Variants in GPR158 observed in about 807,000 individuals in gnomAD.
The protein encoded by GPR158 is G protein-coupled receptor 158.
GPR158 carries 30 observed loss-of-function variants against 78.2 expected under a neutral mutation model. The observed-to-expected ratio is 0.38, with a 90% CI of 0.29 to 0.52. GPR158 has a LOEUF of 0.52. GPR158 is among the 20% of genes least tolerant of loss of function. GPR158 has a pLI of 0.83. For missense variants in GPR158, 1,463 were observed against 1,523.5 expected, an observed-to-expected ratio of 0.96 and a Z score of 0.66; for synonymous variants, 581 against 591.1, an observed-to-expected ratio of 0.98 and a Z score of 0.25.
At chr10:25,483,075 C>T (rs563945175) in intron 5 of GPR158, among the ~76,000 whole-genome samples, 27 of 152,010 alleles carry the variant, frequency 1.8e-4, no homozygotes, top group Admixed American at 3.3e-4. Context: ...TAAAACAACC[C>T]GTTAACTAGT....
chr10:25,253,683 C>G (rs894211638), intron 2 of GPR158, among the ~76,000 whole-genome samples: 1 of 152,094 alleles, frequency 6.6e-6, no homozygotes, highest in African/African-American at 2.4e-5. Flanking sequence ...CATGCTGAAA[C>G]CGTTATTTAT....
intron 2 of GPR158, among the ~76,000 whole-genome samples, chr10:25,363,968 C>T (rs368561325): frequency 2.2e-4 from 33 of 151,960 alleles, no homozygotes; most frequent in African/African-American, 7.2e-4. Context: ...TATAATTAAT[C>T]GCATCTACTC....
Position 25,598,521 on chromosome 10 carries a change from G to C in GPR158, c.2895G>C (p.Glu965Asp). 5.6e-6 allele frequency: 9 copies of C among 1,613,284 alleles called. No individual in the cohort carries two copies. Among genetic ancestry groups the C allele is most frequent in the Non-Finnish European group, 6.8e-6 (8 of 1,179,840 alleles). Reference sequence around the variant, plus strand: ...CCCCCCAAAACTCAAATCCTGCGGAGGAGCCAAGAAAGCCTCAGAAATCTG... The same window carrying C: ...CCCCCCAAAACTCAAATCCTGCGGACGAGCCAAGAAAGCCTCAGAAATCTG... The part of the protein sequence containing the change: ...DPAPQNSNPA[E>D]EPRKPQKSGI... Residue 965 changes from glutamate to aspartate, a missense_variant, in exon 11 of 11, where the codon GAG (glutamate) becomes GAC (aspartate). Glu to Asp is a conservative substitution (Grantham distance 45). Transcript: ENST00000376351.
chr10:25,380,181 C>G (rs1168608422), intron 2 of GPR158, among the ~76,000 whole-genome samples: 1 of 152,064 alleles, frequency 6.6e-6, no homozygotes, highest in East Asian at 1.9e-4. Flanking sequence ...AACCCACTAT[C>G]CAGCTTAAGA....
intron 3 of GPR158, 29 bp downstream of exon 3, chr10:25,396,042 T>TATGTATATACATCATATATAC: frequency 1.1e-6 from 1 of 938,696 alleles, no homozygotes; most frequent in Non-Finnish European, 1.8e-6. Context: ...TATGTATATA[T>TATGTATATACATCATATATAC]ATGTATATAC....
At chr10:25,422,686 T>C (rs1834767064) in intron 4 of GPR158, among the ~76,000 whole-genome samples, 2 of 151,688 alleles carry the variant, frequency 1.3e-5, no homozygotes, top group South Asian at 4.2e-4. Flanking sequence ...TTTCCTGAGA[T>C]TGGAGAATTT....
chr10:25,585,331 G>C (rs1003823641), intron 7 of GPR158, among the ~76,000 whole-genome samples: 2 of 152,182 alleles, frequency 1.3e-5, no homozygotes, highest in Non-Finnish European at 1.5e-5. Flanking sequence ...TCCCAGTACT[G>C]TTGCTACCAC....
At position 25,241,294 on chromosome 10, in the gene GPR158, C is replaced by CTTTTCT. The variant is rs1564399611; in HGVS notation, c.1008+20141_1008+20146dup. Among the ~76,000 whole-genome samples, 695 of 80,064 alleles carry CTTTTCT rather than the reference C, an allele frequency of 8.7e-3. 41 individuals are homozygous for CTTTTCT. Among genetic ancestry groups the CTTTTCT allele is most frequent in the African/African-American group, 0.029 (553 of 19,312 alleles). The allele number at this position is 80,064 out of a possible 152,430, so 52.5% of individuals were successfully genotyped here. A position where few individuals can be genotyped will look rare whatever the true frequency, so the allele number is the denominator to read the frequency against. ...TTCCTTTCTTTCTTTCTTTTCTTTTCTTTTCTTTTCTTTTCTTTTCTCTTC... is the reference window on the plus strand; with the variant it reads ...TTCCTTTCTTTCTTTCTTTTCTTTTCTTTTCTTTTTCTTTTCTTTTCTTTTCTCTTC... On this transcript the variant is annotated intron_variant, in intron 2 of 10. Transcript: ENST00000376351.
chr10:25,254,196 G>T (rs1853861826), intron 2 of GPR158, among the ~76,000 whole-genome samples: 1 of 152,088 alleles, frequency 6.6e-6, no homozygotes, highest in Admixed American at 6.5e-5. Flanking sequence ...AGAAAATCAA[G>T]GCTGTCTTTA....
At chr10:25,498,472 C>T (rs892358391) in intron 5 of GPR158, among the ~76,000 whole-genome samples, 1 of 152,166 alleles carries the variant, frequency 6.6e-6, no homozygotes, top group South Asian at 2.1e-4. Context: ...GGGATACTTA[C>T]TGTGATTGGT....
intron 5 of GPR158, among the ~76,000 whole-genome samples, chr10:25,517,497 A>G (rs202178007): frequency 1.3e-5 from 2 of 152,034 alleles, no homozygotes; most frequent in Admixed American, 6.5e-5. Flanking sequence ...AGTATGATAT[A>G]GGCTGTGGGT....
At chr10:25,212,807 T>G (rs1189450612) in intron 1 of GPR158, among the ~76,000 whole-genome samples, 1 of 151,934 alleles carries the variant, frequency 6.6e-6, no homozygotes, top group Non-Finnish European at 1.5e-5. Flanking sequence ...AATTTTTGTA[T>G]TTTTATTAAA....
At chr10:25,230,766 G>T (rs1302188036) in intron 2 of GPR158, among the ~76,000 whole-genome samples, 2 of 152,018 alleles carry the variant, frequency 1.3e-5, no homozygotes, top group South Asian at 2.1e-4. Flanking sequence ...AATGAAAAAG[G>T]CACATTTTAA....
chr10:25,562,156 A>G (rs1480540707), intron 6 of GPR158, among the ~76,000 whole-genome samples: 1 of 151,972 alleles, frequency 6.6e-6, no homozygotes, highest in African/African-American at 2.4e-5. Context: ...CAGTAGAAAT[A>G]TCCCCACTTT....
At chr10:25,435,066 CT>C (rs1239011588) in intron 4 of GPR158, among the ~76,000 whole-genome samples, 1 of 152,122 alleles carries the variant, frequency 6.6e-6, no homozygotes, top group Non-Finnish European at 1.5e-5. Context: ...GTTGAGCTAT[CT>C]AAGGATGTTA....
At chr10:25,335,734 C>T (rs1450970605) in intron 2 of GPR158, among the ~76,000 whole-genome samples, 1 of 151,972 alleles carries the variant, frequency 6.6e-6, no homozygotes, top group South Asian at 2.1e-4. Flanking sequence ...TTAGTTGTTT[C>T]GTATTTGTTT....
chr10:25,383,776 CAA>C (rs1371758645), intron 2 of GPR158, among the ~76,000 whole-genome samples: 10 of 152,218 alleles, frequency 6.6e-5, no homozygotes, highest in Admixed American at 3.9e-4. Context: ...TTGAAACAAT[CAA>C]AAGAGACTCT....
chr10:25,374,149 C>T (rs1019555647), intron 2 of GPR158, among the ~76,000 whole-genome samples: 2 of 151,486 alleles, frequency 1.3e-5, no homozygotes, highest in Non-Finnish European at 3.0e-5. Context: ...ATAAATGTGT[C>T]GTCGTGAAAT....
rs1385777458 is a variant in GPR158 at position 25,241,168 on chromosome 10, TCTTTCTTTCTTTCTTTCTTTC to T, written c.1008+20025_1008+20045del. Among the ~76,000 whole-genome samples, 94 of 113,976 alleles carry T rather than the reference TCTTTCTTTCTTTCTTTCTTTC, an allele frequency of 8.2e-4. 1 individual carries two copies. In the East Asian group the frequency reaches 0.015, roughly 18 times the overall value. 74.8% of individuals were successfully genotyped at this position (113,976 alleles called of 152,430 possible). ...TTCTTTCTTTCTTTCTTTCTTTCTT[TCTTTCTTTCTTTCTTTCTTTC>T]CTTTCTTTCTTTCCTTTCTTTCCTT... On this transcript the variant is annotated intron_variant, in intron 2 of 10. Transcript: ENST00000376351.
Sources: allele counts gnomAD v4.1 joint callset (sites outside exome capture counted in the v4.1 genomes callset), GRCh38; gene constraint gnomAD v4.1.1; transcripts MANE v1.5; gene names NCBI Gene and HGNC (gene_info 2026-07-23, HGNC 2026-07-21).